Variants in DACH2 observed in about 807,000 individuals in gnomAD.
The protein encoded by DACH2 is dachshund family transcription factor 2, also known as dachshund homolog 2.
A neutral mutation model predicts 35.8 loss-of-function variants in DACH2; 17 were observed. The ratio of observed to expected loss-of-function variants is 0.48; its 90% CI spans 0.33 to 0.71. DACH2 has a LOEUF of 0.71. DACH2 is among the 30% of genes least tolerant of loss of function. The pLI, the probability that DACH2 is intolerant of heterozygous loss-of-function variation, is 0.02. For synonymous variants in DACH2, 195 were observed against 177.3 expected (o/e 1.10, Z -0.79); for missense variants, 469 against 472.7 (o/e 0.99, Z 0.07).
chrX:86,656,857 G>GTGTATATATATATATA (rs1333268452), intron 4 of DACH2, among the ~76,000 whole-genome samples: 2 of 66,772 alleles, frequency 3.0e-5, no homozygotes, highest in African/African-American at 7.2e-5. Flanking sequence ...GTGTGTGTGT[G>GTGTATATATATATATA]TATATATATA....
In DACH2 at chrX:86,502,182, T is replaced by A. The variant is rs375191591; in HGVS notation, c.528-12097T>A. ...GGACAAGTAGCTATATCTTACTTAA[T>A]TTAATGGTTTACAACAGGTAGAGTA... On this transcript the variant is annotated intron_variant, in intron 2 of 11. Coordinates refer to ENST00000373125, the MANE Select transcript of DACH2 (RefSeq NM_053281.3). Among the ~76,000 whole-genome samples, 216 of 111,647 alleles carry A rather than the reference T, an allele frequency of 1.9e-3. 1 individual carries two copies. The highest frequency in any genetic ancestry group is 5.5e-3 in the African/African-American group (168 of 30,692).
At chrX:86,823,829 G>A (rs1361778545) in intron 11 of DACH2, among the ~76,000 whole-genome samples, 3 of 110,828 alleles carry the variant, frequency 2.7e-5, no homozygotes, top group African/African-American at 9.9e-5. Context: ...AGGGGAGGGG[G>A]TGCAAGAACA....
At chrX:86,809,521 A>T (rs1445693507) in intron 7 of DACH2, among the ~76,000 whole-genome samples, 1 of 111,102 alleles carries the variant, frequency 9.0e-6, no homozygotes, top group Non-Finnish European at 1.9e-5. Context: ...GGAAAAAAAA[A>T]TCTGATGTAT....
At chrX:86,724,174 A>G (rs1347348424) in intron 6 of DACH2, among the ~76,000 whole-genome samples, 1 of 111,225 alleles carries the variant, frequency 9.0e-6, no homozygotes, top group Non-Finnish European at 1.9e-5. Context: ...AATTGGTTTT[A>G]TAAATTATTT....
chrX:86,401,649 A>G (rs1365476070), intron 2 of DACH2, among the ~76,000 whole-genome samples: 1 of 110,062 alleles, frequency 9.1e-6, no homozygotes, highest in Admixed American at 9.7e-5. Flanking sequence ...ATGAACATGT[A>G]TCAACAAGCA....
intron 11 of DACH2, 52 bp downstream of exon 11, chrX:86,816,151 G>A: frequency 1.2e-6 from 1 of 834,835 alleles, no homozygotes; most frequent in Non-Finnish European, 1.7e-6. Flanking sequence ...GTGACCCCTG[G>A]GGATGAGGTG....
chrX:86,612,296 A>G, intron 3 of DACH2, among the ~76,000 whole-genome samples: 1 of 107,382 alleles, frequency 9.3e-6, no homozygotes, highest in Non-Finnish European at 1.9e-5. Context: ...GTACTCTTGG[A>G]GCTGAAGCTC....
At chrX:86,180,365 T>C (rs2147881432) in intron 1 of DACH2, among the ~76,000 whole-genome samples, 1 of 106,879 alleles carries the variant, frequency 9.4e-6, no homozygotes, top group East Asian at 2.9e-4. Flanking sequence ...CCTTTTAATA[T>C]AGTCTTATTG....
chrX:86,711,868 T>C (rs1014740164), intron 5 of DACH2, among the ~76,000 whole-genome samples: 4 of 112,424 alleles, frequency 3.6e-5, no homozygotes, highest in Non-Finnish European at 7.5e-5. Flanking sequence ...TGTTAAATTC[T>C]TTTTGTAGTT....
In DACH2 at chrX:86,522,328, T is replaced by C. The variant is rs778987660; in HGVS notation, c.640+7937T>C. Among the ~76,000 whole-genome samples, 4 of 111,858 alleles carry C rather than the reference T, an allele frequency of 3.6e-5. No individual in the cohort carries two copies. The East Asian group carries it at 1.1e-3, about 31-fold the overall frequency. ...ATTTAGGTACCTGAAATCACTTTAG[T>C]GAGATCTGTTATACAAGTAATCAAC... On this transcript the variant is annotated intron_variant, in intron 3 of 11. Coordinates refer to ENST00000373125, the MANE Select transcript of DACH2 (RefSeq NM_053281.3).
Position 86,214,689 on chromosome X carries a change from C to G in DACH2, c.488+65581C>G, listed in dbSNP as rs768825785. Among the ~76,000 whole-genome samples the G allele has an allele frequency of 3.6e-4, 40 of 111,534 alleles. 1 individual carries two copies. The highest frequency in any genetic ancestry group is 1.2e-3 in the Admixed American group (13 of 10,527). ...ATTTTTCGGCATTAGTTCTAGACAC[C>G]CTTTTATTGTCTGTGTAAGATTCAA... On this transcript the variant is annotated intron_variant, in intron 1 of 11. Transcript: ENST00000373125.
intron 7 of DACH2, among the ~76,000 whole-genome samples, chrX:86,789,564 G>A (rs1301587837): frequency 9.0e-6 from 1 of 111,584 alleles, no homozygotes; most frequent in Non-Finnish European, 1.9e-5. Context: ...TATTTTCAGT[G>A]AAAATGTTCT....
chrX:86,334,168 G>A (rs2035261325), intron 1 of DACH2, among the ~76,000 whole-genome samples: 1 of 112,020 alleles, frequency 8.9e-6, no homozygotes, highest in South Asian at 3.7e-4. Flanking sequence ...ATGGGCATTT[G>A]GGTTGGTTCC....
At chrX:86,290,861 C>T (rs376822622) in intron 1 of DACH2, among the ~76,000 whole-genome samples, 5 of 104,642 alleles carry the variant, frequency 4.8e-5, no homozygotes, top group African/African-American at 1.4e-4. Context: ...TAGTGTGATG[C>T]CTCCAGCTTT....
intron 7 of DACH2, among the ~76,000 whole-genome samples, chrX:86,809,011 TA>T (rs992861701): frequency 9.0e-6 from 1 of 111,715 alleles, no homozygotes; most frequent in African/African-American, 3.2e-5. Context: ...CTCTACGAAA[TA>T]AGTTAAAATG....
chrX:86,289,182 G>A (rs2034216752), intron 1 of DACH2, among the ~76,000 whole-genome samples: 1 of 108,450 alleles, frequency 9.2e-6, no homozygotes, highest in South Asian at 4.1e-4. Context: ...TGTTGCTCAG[G>A]AGGAAGGTCC....
At chrX:86,652,526 G>A (rs982399346) in intron 4 of DACH2, among the ~76,000 whole-genome samples, 1 of 112,093 alleles carries the variant, frequency 8.9e-6, no homozygotes, top group East Asian at 2.8e-4. Flanking sequence ...TCACCATACT[G>A]CTTTCCCTAA....
intron 3 of DACH2, among the ~76,000 whole-genome samples, chrX:86,548,024 G>C (rs992409803): frequency 1.8e-5 from 2 of 112,213 alleles, no homozygotes; most frequent in Non-Finnish European, 3.8e-5. Context: ...TCAAATTATT[G>C]AGTGGCAAAA....
At chrX:86,504,810 T>C (rs768650887) in intron 2 of DACH2, among the ~76,000 whole-genome samples, 11 of 111,688 alleles carry the variant, frequency 9.8e-5, no homozygotes, top group African/African-American at 3.2e-4. Context: ...TATTGTGTCC[T>C]TGATGAAAAT....
Sources: allele counts gnomAD v4.1 joint callset (sites outside exome capture counted in the v4.1 genomes callset), GRCh38; gene constraint gnomAD v4.1.1; transcripts MANE v1.5; gene names NCBI Gene and HGNC (gene_info 2026-07-23, HGNC 2026-07-21).